Variants in CTNND2 observed in about 807,000 individuals in gnomAD.
CTNND2 encodes the protein catenin delta 2, also known as catenin delta-2.
CTNND2 carries 22 observed loss-of-function variants against 144.4 expected under a neutral mutation model. The observed-to-expected ratio is 0.15, with a 90% CI of 0.11 to 0.22. The LOEUF (loss-of-function observed/expected upper bound fraction) is 0.22. Ranked by LOEUF, CTNND2 falls within the 10% of genes least tolerant of loss-of-function variation. The probability of loss-of-function intolerance (pLI) is 1.00; values close to 1 mark genes in which losing one functional copy is unlikely to be tolerated. For synonymous variants in CTNND2, 751 were observed against 695.6 expected (o/e 1.08, Z -1.25); for missense variants, 1,353 against 1,618.8 (o/e 0.84, Z 2.82).
chr5:11,589,316 A>ACACACACACACACG (rs1215796926), intron 2 of CTNND2, among the ~76,000 whole-genome samples: 3 of 108,834 alleles, frequency 2.8e-5, no homozygotes, highest in Non-Finnish European at 6.5e-5. Context: ...CACACACGAC[A>ACACACACACACACG]ACAACAACAA....
chr5:11,519,264 C>G (rs924376375), intron 3 of CTNND2, among the ~76,000 whole-genome samples: 1 of 152,108 alleles, frequency 6.6e-6, no homozygotes, highest in African/African-American at 2.4e-5. Context: ...TTCAAAAAAG[C>G]TTTCACTTCT....
At chr5:11,252,360 A>G (rs1223236635) in intron 9 of CTNND2, among the ~76,000 whole-genome samples, 1 of 152,202 alleles carries the variant, frequency 6.6e-6, no homozygotes. Flanking sequence ...TGCAGTGATC[A>G]GAAACTGGGG....
intron 10 of CTNND2, among the ~76,000 whole-genome samples, chr5:11,228,666 T>G (rs34553240): frequency 0.1 from 15,532 of 151,914 alleles, 1,034 homozygotes; most frequent in Non-Finnish European, 0.15. Flanking sequence ...TTGCATTTTT[T>G]GTAGAGACAG....
chr5:11,611,094 T>C (rs957293973), intron 2 of CTNND2, among the ~76,000 whole-genome samples: 1 of 152,156 alleles, frequency 6.6e-6, no homozygotes, highest in Non-Finnish European at 1.5e-5. Flanking sequence ...CCCCTCATGC[T>C]ATTCTCATGA....
Position 11,624,701 on chromosome 5 carries a change from TAGA to T in CTNND2, c.175-59648_175-59646del, listed in dbSNP as rs1581626242. ...TTTGTGATTTTGTTTTATAAGAGGT[TAGA>T]AAAATAAAACAAAATGATTCTGCTC... On this transcript the variant is annotated intron_variant, in intron 2 of 21. Transcript: ENST00000304623. Among the ~76,000 whole-genome samples the T allele has an allele frequency of 3.3e-5, 5 of 152,126 alleles. No homozygotes were observed. In the East Asian group the frequency reaches 9.7e-4, roughly 29 times the overall value.
chr5:11,691,329 G>A (rs939292960), intron 2 of CTNND2, among the ~76,000 whole-genome samples: 7 of 151,484 alleles, frequency 4.6e-5, no homozygotes, highest in African/African-American at 1.5e-4. Context: ...CCGAGATTGC[G>A]CCACTTCACT....
rs115996704 is a variant in CTNND2 at position 11,436,751 on chromosome 5, C to T, written c.288-24682G>A. On this transcript the variant is annotated intron_variant, in intron 3 of 21. Transcript: ENST00000304623. ...ATTTGCTGACAGTTTTAAAATGACA[C>T]AAATGGCACTGATTACTTTCAAGCT... is the stretch of plus-strand genomic sequence containing the variant. Among the ~76,000 whole-genome samples, 864 of 152,304 alleles carry T rather than the reference C, an allele frequency of 5.7e-3. 8 individuals carry two copies. Among genetic ancestry groups the T allele is most frequent in the African/African-American group, 0.02 (830 of 41,576 alleles).
At chr5:11,898,669 A>T (rs1737602766) in intron 1 of CTNND2, among the ~76,000 whole-genome samples, 1 of 152,226 alleles carries the variant, frequency 6.6e-6, no homozygotes, top group African/African-American at 2.4e-5. Context: ...AACCAAATAT[A>T]ATTGGCTCAC....
chr5:11,458,219 A>G (rs1325730775), intron 3 of CTNND2, among the ~76,000 whole-genome samples: 1 of 152,164 alleles, frequency 6.6e-6, no homozygotes, highest in Non-Finnish European at 1.5e-5. Flanking sequence ...GCTTACTTAA[A>G]AGCTAAAATA....
chr5:11,714,003 C>T (rs1380619294), intron 2 of CTNND2, among the ~76,000 whole-genome samples: 5 of 152,136 alleles, frequency 3.3e-5, no homozygotes, highest in African/African-American at 1.2e-4. Flanking sequence ...GCCTCGACAA[C>T]AAGTTCAATA....
In CTNND2 at chr5:11,127,345, T is replaced by C. The variant is rs141945205; in HGVS notation, c.2160-9778A>G. On this transcript the variant is annotated intron_variant, in intron 12 of 21. Coordinates refer to ENST00000304623, the MANE Select transcript of CTNND2 (RefSeq NM_001332.4). Reference sequence around the variant, plus strand: ...TCACCAGAGGTACCACTCCTGCCTCTTGTAGTTCCACGGCAGGTGGAAATG... The same window carrying C: ...TCACCAGAGGTACCACTCCTGCCTCCTGTAGTTCCACGGCAGGTGGAAATG... 1.7e-4 allele frequency among the ~76,000 whole-genome samples: 26 copies of C among 152,328 alleles called. No homozygotes were observed. The East Asian group carries it at 4.8e-3, about 28-fold the overall frequency.
intron 10 of CTNND2, among the ~76,000 whole-genome samples, chr5:11,210,539 G>T (rs1482845383): frequency 6.6e-6 from 1 of 152,272 alleles, no homozygotes; most frequent in African/African-American, 2.4e-5. Flanking sequence ...TTAGGTGAAT[G>T]GTTACTAATC....
chr5:11,236,869 A>G (rs1490793385), intron 9 of CTNND2, 46 bp from the exon 10 acceptor site: 1 of 1,606,756 alleles, frequency 6.2e-7, no homozygotes, highest in Non-Finnish European at 8.5e-7. Flanking sequence ...GAGAAATCCT[A>G]CCACACTGTT....
chr5:11,279,397 T>C (rs1296967426), intron 9 of CTNND2, among the ~76,000 whole-genome samples: 1 of 152,176 alleles, frequency 6.6e-6, no homozygotes, highest in African/African-American at 2.4e-5. Context: ...AATATGCCTG[T>C]AATCTGACTA....
intron 2 of CTNND2, among the ~76,000 whole-genome samples, chr5:11,729,755 AT>A (rs1237040486): frequency 6.6e-6 from 1 of 152,210 alleles, no homozygotes; most frequent in Non-Finnish European, 1.5e-5. Context: ...ATAGAAACAA[AT>A]CATTTTACCA....
chr5:10,978,017 C>T (rs1442234596), intron 21 of CTNND2, among the ~76,000 whole-genome samples: 1 of 152,198 alleles, frequency 6.6e-6, no homozygotes, highest in Non-Finnish European at 1.5e-5. Context: ...TGAATTGCTT[C>T]CCCATAAGCT....
chr5:11,079,032 G>A (rs1013026520), intron 16 of CTNND2, among the ~76,000 whole-genome samples: 2 of 152,186 alleles, frequency 1.3e-5, no homozygotes, highest in African/African-American at 4.8e-5. Context: ...GGTTTTTCTT[G>A]GAGGATATGA....
chr5:11,774,397 TG>T (rs1239656430), intron 1 of CTNND2, among the ~76,000 whole-genome samples: 1 of 81,670 alleles, frequency 1.2e-5, no homozygotes, highest in Non-Finnish European at 2.2e-5. Context: ...CTGGGGACCA[TG>T]GTGGGGTGGG....
intron 3 of CTNND2, among the ~76,000 whole-genome samples, chr5:11,536,312 C>T (rs1450755273): frequency 6.6e-6 from 1 of 152,148 alleles, no homozygotes; most frequent in African/African-American, 2.4e-5. Flanking sequence ...AATCCTCCTA[C>T]CTAGGCCTCC....
Sources: gnomAD v4.1 joint callset for allele counts (sites outside exome capture counted in the v4.1 genomes callset) on GRCh38, gnomAD v4.1.1 for gene constraint, MANE v1.5 for transcripts, NCBI Gene and HGNC (gene_info 2026-07-23, HGNC 2026-07-21) for gene names.